Variants in GRIK1 observed in about 807,000 individuals in gnomAD.
GRIK1 encodes the protein glutamate ionotropic receptor kainate type subunit 1.
A neutral mutation model predicts 105.7 loss-of-function variants in GRIK1; 69 were observed. The observed-to-expected ratio is 0.65, with a 90% confidence interval of 0.54 to 0.80. The LOEUF (loss-of-function observed/expected upper bound fraction) is 0.80. Among genes scored for constraint, GRIK1 ranks in the 30% least tolerant of loss-of-function variants. The pLI is 0.00. For missense variants in GRIK1, 1,109 were observed against 1,167.3 expected (o/e 0.95, Z 0.73); for synonymous variants, 438 against 431.3 (o/e 1.02, Z -0.19).
At chr21:29,672,863 T>C (rs2063185061) in intron 4 of GRIK1, 120 bp downstream of exon 4, 1 of 719,260 alleles carries the variant, frequency 1.4e-6, no homozygotes, top group Non-Finnish European at 2.4e-6. Flanking sequence ...TTATAATCTT[T>C]AGCATAAACG....
intron 16 of GRIK1, among the ~76,000 whole-genome samples, chr21:29,540,203 A>C (rs554918136): frequency 8.1e-4 from 124 of 152,238 alleles, no homozygotes; most frequent in African/African-American, 2.8e-3. Flanking sequence ...TTATTTTTTC[A>C]AAAAAGGAAC....
chr21:29,913,438 T>G (rs2070887299), intron 1 of GRIK1, among the ~76,000 whole-genome samples: 1 of 152,024 alleles, frequency 6.6e-6, no homozygotes, highest in Non-Finnish European at 1.5e-5. Context: ...TAATAGAGTA[T>G]ATGGTAGAAA....
chr21:29,841,774 A>G (rs951677669), intron 1 of GRIK1, among the ~76,000 whole-genome samples: 1 of 152,074 alleles, frequency 6.6e-6, no homozygotes, highest in Non-Finnish European at 1.5e-5. Context: ...CAAATTTCCT[A>G]TTTCCTCTAC....
intron 1 of GRIK1, among the ~76,000 whole-genome samples, chr21:29,717,261 C>A (rs899547334): frequency 5.9e-5 from 9 of 152,186 alleles, no homozygotes; most frequent in Non-Finnish European, 1.2e-4. Context: ...GGGTTGGAGC[C>A]CCCACACAGA....
At position 29,537,391 on chromosome 21, in the gene GRIK1, G is replaced by A. The variant is rs1354753598; in HGVS notation, c.2695-6C>T. On this transcript the variant is annotated splice_region_variant and splice_polypyrimidine_tract_variant and intron_variant, in intron 17 of 17. Coordinates refer to ENST00000327783, the MANE Select transcript of GRIK1 (RefSeq NM_001330994.2). ...ATAGCGTTGAAAGAGAGACACTAGGGAACATGAGATACAGACCATCAGCTT... is the reference window on the plus strand; with the variant it reads ...ATAGCGTTGAAAGAGAGACACTAGGAAACATGAGATACAGACCATCAGCTT... The A allele has an allele frequency of 6.2e-7, 1 of 1,605,110 alleles. No homozygotes were observed. The highest frequency in any genetic ancestry group is 8.5e-7 in the Non-Finnish European group (1 of 1,174,908).
chr21:29,652,887 T>A (rs1027017700), intron 5 of GRIK1, among the ~76,000 whole-genome samples: 2 of 152,208 alleles, frequency 1.3e-5, no homozygotes, highest in African/African-American at 2.4e-5. Flanking sequence ...TGCATACAAA[T>A]TTATTCTTTT....
intron 1 of GRIK1, among the ~76,000 whole-genome samples, chr21:29,703,043 G>A (rs552276313): frequency 6.6e-6 from 1 of 152,254 alleles, no homozygotes; most frequent in South Asian, 2.1e-4. Context: ...TTTGTGAAAT[G>A]TTATTTTATT....
At chr21:29,725,745 A>C (rs1183776310) in intron 1 of GRIK1, among the ~76,000 whole-genome samples, 1 of 152,238 alleles carries the variant, frequency 6.6e-6, no homozygotes, top group Non-Finnish European at 1.5e-5. Context: ...ACAAAGCCAT[A>C]ATTTTAGCAT....
intron 12 of GRIK1, among the ~76,000 whole-genome samples, chr21:29,583,318 T>C (rs2091062110): frequency 1.3e-5 from 2 of 152,152 alleles, no homozygotes; most frequent in Non-Finnish European, 2.9e-5. Flanking sequence ...CCAATATTAA[T>C]GAACCTATTA....
chr21:29,851,554 A>G (rs2068305005), intron 1 of GRIK1, among the ~76,000 whole-genome samples: 1 of 152,212 alleles, frequency 6.6e-6, no homozygotes, highest in African/African-American at 2.4e-5. Flanking sequence ...AATGCAGTGG[A>G]AATGCCAGAG....
chr21:29,800,950 C>A (rs1299341359), intron 1 of GRIK1, among the ~76,000 whole-genome samples: 3 of 152,126 alleles, frequency 2.0e-5, no homozygotes, highest in African/African-American at 7.2e-5. Flanking sequence ...CTCATCACAA[C>A]TCCAAAGCCA....
chr21:29,693,745 T>A (rs1264539067), intron 2 of GRIK1, 151 bp downstream of exon 2: 10 of 628,252 alleles, frequency 1.6e-5, no homozygotes, highest in Admixed American at 2.7e-5. Context: ...TAGTTCAGAT[T>A]ACACTGATCA....
intron 1 of GRIK1, among the ~76,000 whole-genome samples, chr21:29,886,213 C>T (rs2069622815): frequency 6.6e-6 from 1 of 152,120 alleles, no homozygotes; most frequent in South Asian, 2.1e-4. Flanking sequence ...CAGAAAATGC[C>T]TGTGAGTTCC....
chr21:29,634,690 A>G (rs2062358402), intron 7 of GRIK1, among the ~76,000 whole-genome samples: 2 of 152,222 alleles, frequency 1.3e-5, no homozygotes, highest in South Asian at 4.1e-4. Context: ...AAAGCAGGAT[A>G]CACCCTCCAG....
chr21:29,876,932 T>G (rs1285577259), intron 1 of GRIK1, among the ~76,000 whole-genome samples: 1 of 152,150 alleles, frequency 6.6e-6, no homozygotes, highest in Non-Finnish European at 1.5e-5. Flanking sequence ...ACCTGCAAAT[T>G]AGCAAGCATT....
intron 3 of GRIK1, among the ~76,000 whole-genome samples, chr21:29,687,096 G>T (rs775003410): frequency 1.0e-3 from 156 of 152,288 alleles, no homozygotes; most frequent in Admixed American, 2.3e-3. Flanking sequence ...TCTTCTAGAG[G>T]ACAGAATTCT....
At chr21:29,725,865 C>T (rs1292968275) in intron 1 of GRIK1, among the ~76,000 whole-genome samples, 1 of 152,218 alleles carries the variant, frequency 6.6e-6, no homozygotes, top group Non-Finnish European at 1.5e-5. Flanking sequence ...ATTGTCTCGT[C>T]TGCCTCCCAC....
intron 6 of GRIK1, among the ~76,000 whole-genome samples, chr21:29,650,238 A>G (rs1324879622): frequency 6.6e-6 from 1 of 152,202 alleles, no homozygotes; most frequent in Non-Finnish European, 1.5e-5. Context: ...AAGGGGAAAA[A>G]AATCCCAAGT....
intron 7 of GRIK1, among the ~76,000 whole-genome samples, chr21:29,607,440 A>T (rs1159551426): frequency 6.6e-6 from 1 of 151,810 alleles, no homozygotes; most frequent in Non-Finnish European, 1.5e-5. Flanking sequence ...GTGTATGAAT[A>T]AAACCTTGTG....
Sources: allele counts gnomAD v4.1 joint callset (sites outside exome capture counted in the v4.1 genomes callset), GRCh38; gene constraint gnomAD v4.1.1; transcripts MANE v1.5; gene names NCBI Gene and HGNC (gene_info 2026-07-23, HGNC 2026-07-21).